Variants in ITGA8 observed in about 807,000 individuals in gnomAD.
ITGA8 encodes integrin alpha-8.
Under a neutral mutation model 142.3 loss-of-function variants are expected in ITGA8, and 91 were observed. The observed-to-expected ratio is 0.64, with a 90% CI of 0.54 to 0.76. The LOEUF (loss-of-function observed/expected upper bound fraction) is 0.76. Ranked by LOEUF, ITGA8 falls within the 30% of genes least tolerant of loss-of-function variation. The pLI, the probability that ITGA8 is intolerant of heterozygous loss-of-function variation, is 0.00. For missense variants in ITGA8, 1,406 were observed against 1,327.7 expected (o/e 1.06, Z -0.92); for synonymous variants, 505 against 485.2 (o/e 1.04, Z -0.54).
At chr10:15,655,639 A>T (rs1294771093) in intron 10 of ITGA8, among the ~76,000 whole-genome samples, 1 of 152,178 alleles carries the variant, frequency 6.6e-6, no homozygotes, top group Non-Finnish European at 1.5e-5. Flanking sequence ...GGGGATGTTC[A>T]ACAATCAGCC....
chr10:15,568,565 A>G (rs7904569), intron 25 of ITGA8, among the ~76,000 whole-genome samples: 20,285 of 152,084 alleles, frequency 0.13, 2,362 homozygotes, highest in East Asian at 0.31. Flanking sequence ...AGACTTTCAG[A>G]GTTATGTTGT....
intron 13 of ITGA8, among the ~76,000 whole-genome samples, chr10:15,629,451 G>C (rs1484988795): frequency 1.3e-5 from 2 of 151,890 alleles, no homozygotes; most frequent in African/African-American, 4.9e-5. Context: ...TTATATGAAA[G>C]GCAGGCTCCC....
intron 15 of ITGA8, among the ~76,000 whole-genome samples, chr10:15,612,426 G>A (rs747582535): frequency 3.9e-5 from 6 of 152,148 alleles, no homozygotes; most frequent in African/African-American, 9.7e-5. Context: ...GTTAGACCAC[G>A]TCTCCTGAAA....
intron 4 of ITGA8, among the ~76,000 whole-genome samples, 184 bp downstream of exon 4, chr10:15,683,820 C>T (rs1252397118): frequency 6.6e-6 from 1 of 152,188 alleles, no homozygotes; most frequent in African/African-American, 2.4e-5. Context: ...AGTAGAATTC[C>T]ACGCTTTTGA....
chr10:15,661,768 C>T (rs1834291755), intron 8 of ITGA8, among the ~76,000 whole-genome samples: 1 of 152,168 alleles, frequency 6.6e-6, no homozygotes, highest in South Asian at 2.1e-4. Flanking sequence ...GATGATTCAT[C>T]TACAGCAGTA....
chr10:15,651,157 C>CTGAA (rs1205364466), intron 11 of ITGA8, among the ~76,000 whole-genome samples: 3 of 151,644 alleles, frequency 2.0e-5, no homozygotes, highest in Admixed American at 6.6e-5. Context: ...CAGTGAATTT[C>CTGAA]TGAAGTAGTA....
At chr10:15,576,464 C>T (rs1288034227) in intron 23 of ITGA8, among the ~76,000 whole-genome samples, 2 of 152,128 alleles carry the variant, frequency 1.3e-5, no homozygotes, top group African/African-American at 2.4e-5. Flanking sequence ...CCAATGTTTT[C>T]TAGCAGTTTT....
At chr10:15,633,866 G>A (rs1346162873) in intron 13 of ITGA8, among the ~76,000 whole-genome samples, 1 of 152,190 alleles carries the variant, frequency 6.6e-6, no homozygotes, top group South Asian at 2.1e-4. Context: ...TCAAAAGTAG[G>A]AAATTATCTG....
Position 15,517,037 on chromosome 10 carries a change from C to G in ITGA8, c.*121G>C. ...GTAGATGAGGTGATGTTTCCAGGGT[C>G]CCCTCCATTTCCTGGGTCACTGTCA... On this transcript the variant is annotated 3_prime_UTR_variant, in exon 30 of 30. Coordinates refer to ENST00000378076, the MANE Select transcript of ITGA8 (RefSeq NM_003638.3). 1 of 509,462 alleles carries G rather than the reference C, an allele frequency of 2.0e-6. No individual in the cohort carries two copies. The highest frequency in any genetic ancestry group is 3.2e-6 in the Non-Finnish European group (1 of 312,062). 31.6% of individuals were successfully genotyped at this position (509,462 alleles called of 1,614,324 possible).
chr10:15,684,462 G>A (rs549754903), intron 3 of ITGA8, among the ~76,000 whole-genome samples: 1 of 152,046 alleles, frequency 6.6e-6, no homozygotes, highest in Non-Finnish European at 1.5e-5. Context: ...AACCTCCTGG[G>A]CTCAAGTGAT....
chr10:15,607,775 T>C lies in ITGA8; in HGVS notation c.1666A>G (p.Thr556Ala), dbSNP rs1187452321. ...GCCTGATGGTTATCAAGGAAGAGCG[T>C]CCGTTTAATAGCTCCTTTCTGTTTC... Reference protein sequence around the residue: ...SLKQKGAIKRTLFLDNHQAHR... With the variant: ...SLKQKGAIKRALFLDNHQAHR... The change falls in exon 17 of 30, where the codon ACG becomes GCG. Residue 556 changes from threonine to alanine, a missense_variant. By Grantham distance (58) the Thr-to-Ala change is moderately conservative. Coordinates refer to ENST00000378076, the MANE Select transcript of ITGA8 (RefSeq NM_003638.3). 4 of 1,613,444 alleles carry C rather than the reference T, an allele frequency of 2.5e-6. No homozygotes were observed. The highest frequency in any genetic ancestry group is 2.5e-6 in the Non-Finnish European group (3 of 1,179,434).
chr10:15,522,171 G>T, intron 28 of ITGA8, among the ~76,000 whole-genome samples: 1 of 152,258 alleles, frequency 6.6e-6, no homozygotes, highest in East Asian at 1.9e-4. Context: ...ATCACTATAC[G>T]TTATGTGCAC....
rs1410263555 is a variant in ITGA8, at chr10:15,668,553, C to G, written c.847+3050G>C. ...TAATATTTTTATGTGTGAATTTGAT[C>G]CTGTCATTATGATGTTAGCTGGTTA... On this transcript the variant is annotated intron_variant, in intron 8 of 29. Coordinates refer to ENST00000378076, the MANE Select transcript of ITGA8 (RefSeq NM_003638.3). Among the ~76,000 whole-genome samples, 10 of 152,084 alleles carry G rather than the reference C, an allele frequency of 6.6e-5. No individual in the cohort carries two copies. In the East Asian group the frequency reaches 1.5e-3, roughly 24 times the overall value.
chr10:15,666,924 A>G (rs1249373562), intron 8 of ITGA8, among the ~76,000 whole-genome samples: 1 of 152,138 alleles, frequency 6.6e-6, no homozygotes, highest in Non-Finnish European at 1.5e-5. Flanking sequence ...GTTTGCCAGT[A>G]CTTTATTGAG....
At chr10:15,665,590 C>A (rs185861431) in intron 8 of ITGA8, among the ~76,000 whole-genome samples, 10,481 of 152,098 alleles carry the variant, frequency 0.069, 469 homozygotes, top group Non-Finnish European at 0.095. Flanking sequence ...AAGTCCTTGC[C>A]CATGCCTATG....
chr10:15,653,149 C>T (rs929965598), intron 11 of ITGA8, among the ~76,000 whole-genome samples: 2 of 152,172 alleles, frequency 1.3e-5, no homozygotes, highest in Non-Finnish European at 2.9e-5. Flanking sequence ...GAATACGCAC[C>T]TTTTGCTCTT....
intron 14 of ITGA8, 70 bp downstream of exon 14, chr10:15,616,444 T>C (rs1274824074): frequency 8.6e-7 from 1 of 1,168,384 alleles, no homozygotes. Flanking sequence ...ATGCTCTCTT[T>C]AAGGCAGAAC....
intron 13 of ITGA8, among the ~76,000 whole-genome samples, chr10:15,634,764 T>C (rs1385576513): frequency 6.6e-6 from 1 of 152,168 alleles, no homozygotes; most frequent in Non-Finnish European, 1.5e-5. Flanking sequence ...ATCATGGGAC[T>C]AGAAATAAGA....
intron 21 of ITGA8, among the ~76,000 whole-genome samples, chr10:15,594,577 G>C (rs1024812010): frequency 3.3e-5 from 5 of 152,120 alleles, no homozygotes; most frequent in African/African-American, 1.2e-4. Flanking sequence ...AAGGTCAGGA[G>C]TTCAAGACCG....
Sources: gnomAD v4.1 joint callset for allele counts (sites outside exome capture counted in the v4.1 genomes callset) on GRCh38, gnomAD v4.1.1 for gene constraint, MANE v1.5 for transcripts, NCBI Gene and HGNC (gene_info 2026-07-23, HGNC 2026-07-21) for gene names.